Variants in ATAD2B observed in about 807,000 individuals in gnomAD.
ATAD2B encodes the protein ATPase family AAA domain containing 2B.
ATAD2B carries 40 observed loss-of-function variants against 167.6 expected under a neutral mutation model. That is an observed-to-expected ratio of 0.24 (90% CI 0.19 to 0.31). The LOEUF is 0.31. ATAD2B is among the 10% of genes least tolerant of loss of function. The pLI, the probability that ATAD2B is intolerant of heterozygous loss-of-function variation, is 1.00. For synonymous variants in ATAD2B, 579 were observed against 596.5 expected (o/e 0.97, Z 0.43); for missense variants, 1,242 against 1,757.2 (o/e 0.71, Z 5.24).
chr2:23,834,602 C>T (rs552781410), intron 13 of ATAD2B, among the ~76,000 whole-genome samples: 1 of 151,792 alleles, frequency 6.6e-6, no homozygotes, highest in South Asian at 2.1e-4. Context: ...AAAAAATGGA[C>T]TTCATCAAAA....
At chr2:23,878,028 A>AAAAAAAAAAAAG in intron 7 of ATAD2B, among the ~76,000 whole-genome samples, 1 of 145,306 alleles carries the variant, frequency 6.9e-6, no homozygotes, top group Non-Finnish European at 1.5e-5. Context: ...AAAAAAAAAA[A>AAAAAAAAAAAAG]AAAAAAAAAA....
At chr2:23,893,803 C>T (rs527344444) in intron 2 of ATAD2B, among the ~76,000 whole-genome samples, 39 of 151,404 alleles carry the variant, frequency 2.6e-4, no homozygotes, top group African/African-American at 9.2e-4. Flanking sequence ...TCGAGTAGAT[C>T]GGACTACAAG....
intron 7 of ATAD2B, among the ~76,000 whole-genome samples, chr2:23,879,684 T>C (rs1267460622): frequency 2.0e-5 from 3 of 152,016 alleles, no homozygotes; most frequent in African/African-American, 4.8e-5. Flanking sequence ...AGAAAACAAC[T>C]AAGTTATTGG....
chr2:23,733,403 A>T, the ATAD2B span, among the ~76,000 whole-genome samples: 2 of 152,158 alleles, frequency 1.3e-5, no homozygotes, highest in African/African-American at 4.8e-5. Context: ...CAATTGCTAG[A>T]CACCCTCTAC....
Position 23,788,555 on chromosome 2 carries a change from A to G in ATAD2B, c.2733T>C (p.Ile911=). The G allele has an allele frequency of 6.2e-7, 1 of 1,613,278 alleles. No individual in the cohort carries two copies. Among genetic ancestry groups the G allele is most frequent in the South Asian group, 1.1e-5 (1 of 91,036 alleles). Residue 911 remains isoleucine, a synonymous_variant, in exon 20 of 28, where the codon ATT becomes ATC. Coordinates refer to ENST00000238789, the MANE Select transcript of ATAD2B (RefSeq NM_017552.4). ...GTGGAGCCATTGATGCCTGATTGAGAATCAATTCTTGAAAAAATTTTCTTC... is the reference window on the plus strand; with the variant it reads ...GTGGAGCCATTGATGCCTGATTGAGGATCAATTCTTGAAAAAATTTTCTTC... ...EDRRKFFQEL[I]LNQASMAPPR...
intron 24 of ATAD2B, among the ~76,000 whole-genome samples, chr2:23,760,751 T>TAC (rs202241182): frequency 0.12 from 11,163 of 92,560 alleles, 712 homozygotes; most frequent in Middle Eastern, 0.24. Context: ...CACACACACA[T>TAC]ACACACACAC....
chr2:23,848,840 G>A (rs991361495), intron 13 of ATAD2B, among the ~76,000 whole-genome samples: 1 of 152,110 alleles, frequency 6.6e-6, no homozygotes, highest in Non-Finnish European at 1.5e-5. Context: ...CCATTTTGAA[G>A]GAAATGGTAT....
chr2:23,690,613 C>T, the ATAD2B span: 1 of 152,198 alleles, frequency 6.6e-6, no homozygotes, highest in African/African-American at 2.4e-5. Flanking sequence ...GGACCGGGCT[C>T]AGGGTGGGAA....
the ATAD2B span, among the ~76,000 whole-genome samples, chr2:23,742,319 G>T: frequency 6.6e-6 from 1 of 151,898 alleles, no homozygotes; most frequent in Non-Finnish European, 1.5e-5. Flanking sequence ...GTCCAACAAC[G>T]ATAGACTGGA....
chr2:23,900,318 C>T (rs1055423991), intron 1 of ATAD2B, among the ~76,000 whole-genome samples: 8 of 152,084 alleles, frequency 5.3e-5, no homozygotes, highest in African/African-American at 9.7e-5. Flanking sequence ...CCTCCCACCT[C>T]GGCCCCACAA....
chr2:23,745,734 T>C (rs1674843815), downstream of ATAD2B, among the ~76,000 whole-genome samples: 1 of 152,256 alleles, frequency 6.6e-6, no homozygotes, highest in African/African-American at 2.4e-5. Context: ...CTCAGTTGTC[T>C]GCTGCTACTA....
chr2:23,704,619 T>C, the ATAD2B span, among the ~76,000 whole-genome samples: 1 of 152,080 alleles, frequency 6.6e-6, no homozygotes, highest in Non-Finnish European at 1.5e-5. Context: ...ATACAAAAAT[T>C]TGCCAGGCGT....
intron 2 of ATAD2B, among the ~76,000 whole-genome samples, chr2:23,890,595 G>A (rs1452432504): frequency 6.6e-6 from 1 of 152,084 alleles, no homozygotes; most frequent in Non-Finnish European, 1.5e-5. Context: ...TTTGTCTTTA[G>A]ACCCAACAAA....
the ATAD2B span, chr2:23,685,301 G>A: frequency 2.0e-5 from 3 of 151,738 alleles, no homozygotes; most frequent in African/African-American, 7.3e-5. Flanking sequence ...CCTTTGCAAA[G>A]AAGTCAGGGG....
the ATAD2B span, among the ~76,000 whole-genome samples, chr2:23,738,262 T>C: frequency 8.5e-5 from 13 of 152,242 alleles, no homozygotes; most frequent in East Asian, 2.3e-3. Context: ...TTCACCAAAG[T>C]TGAAATGAAG....
chr2:23,703,255 C>T, the ATAD2B span: 3 of 1,545,682 alleles, frequency 1.9e-6, no homozygotes, highest in Non-Finnish European at 2.6e-6. Context: ...CTGCTGCAGC[C>T]ACAGTGTGTG....
At chr2:23,808,109 TTA>T (rs1290356885) in intron 18 of ATAD2B, among the ~76,000 whole-genome samples, 6 of 125,592 alleles carry the variant, frequency 4.8e-5, no homozygotes, top group African/African-American at 1.2e-4. Flanking sequence ...ATATAAGTAA[TTA>T]TATATATAAT....
chr2:23,703,562 C>T, the ATAD2B span, among the ~76,000 whole-genome samples: 1 of 152,230 alleles, frequency 6.6e-6, no homozygotes, highest in Non-Finnish European at 1.5e-5. Flanking sequence ...TGAGTCAAGG[C>T]TCCAGGTTCC....
At chr2:23,701,194 C>CTCCTTTAGTGCCAGCATCTCA in the ATAD2B span, among the ~76,000 whole-genome samples, 12 of 152,028 alleles carry the variant, frequency 7.9e-5, no homozygotes, top group East Asian at 1.6e-3. Flanking sequence ...TGGCAACTAT[C>CTCCTTTAGTGCCAGCATCTCA]TCAATGAGCA....
Sources: gnomAD v4.1 joint callset for allele counts (sites outside exome capture counted in the v4.1 genomes callset) on GRCh38, gnomAD v4.1.1 for gene constraint, MANE v1.5 for transcripts, NCBI Gene and HGNC (gene_info 2026-07-23, HGNC 2026-07-21) for gene names.